The following LRP1B variants were observed in gnomAD, a reference collection of about 807,000 sequenced individuals.
LRP1B encodes LDL receptor related protein 1B.
LRP1B carries 217 observed loss-of-function variants against 556.6 expected under a neutral mutation model. The observed-to-expected ratio is 0.39, with a 90% CI of 0.35 to 0.44. The LOEUF is 0.44. LRP1B is among the 20% of genes least tolerant of loss of function. The pLI is 1.00. For missense variants in LRP1B, 5,053 were observed against 5,620.8 expected, an observed-to-expected ratio of 0.90 and a Z score of 3.23; for synonymous variants, 2,047 against 1,865.8, an observed-to-expected ratio of 1.10 and a Z score of -2.50.
intron 1 of LRP1B, among the ~76,000 whole-genome samples, chr2:142,073,308 C>A (rs897660106): frequency 1.1e-4 from 17 of 151,844 alleles, no homozygotes; most frequent in Non-Finnish European, 2.1e-4. Flanking sequence ...GGTAACAAGT[C>A]TTAAAAACTA....
At chr2:141,231,515 G>A (rs1463531248) in intron 5 of LRP1B, among the ~76,000 whole-genome samples, 4 of 152,100 alleles carry the variant, frequency 2.6e-5, no homozygotes, top group South Asian at 2.1e-4. Flanking sequence ...ACACAGAGAT[G>A]GTCCAGTGGC....
rs558126481 is a variant in LRP1B, at chr2:140,637,668, C to T, written c.6800-36029G>A. ...CCGTGCCAGGTGCCACTGTTGTAGT[C>T]CATCCTAGACACCAGAACCTGCTGC... On this transcript the variant is annotated intron_variant, in intron 41 of 90. Transcript: ENST00000389484. Among the ~76,000 whole-genome samples the T allele has an allele frequency of 7.1e-4, 108 of 152,144 alleles. 1 individual carries two copies. Among genetic ancestry groups the T allele is most frequent in the Middle Eastern group, 3.4e-3 (1 of 294 alleles).
chr2:141,400,810 G>T lies in LRP1B; in HGVS notation c.343+79586C>A, dbSNP rs532523187. On this transcript the variant is annotated intron_variant, in intron 3 of 90. Coordinates refer to ENST00000389484, the MANE Select transcript of LRP1B (RefSeq NM_018557.3). ...ACCTTCCCTTTACACACAAATTATT[G>T]CAATGGCTTCCTTTGCCTCTATGGT... Among the ~76,000 whole-genome samples the T allele has an allele frequency of 1.7e-3, 264 of 152,046 alleles. 1 individual carries two copies. Among genetic ancestry groups the T allele is most frequent in the Middle Eastern group, 0.014 (4 of 294 alleles).
chr2:140,470,119 A>G (rs1248398378), intron 60 of LRP1B, among the ~76,000 whole-genome samples: 1 of 152,230 alleles, frequency 6.6e-6, no homozygotes, highest in African/African-American at 2.4e-5. Flanking sequence ...AATGCACAGT[A>G]CAAGGTAATG....
At chr2:141,887,396 C>T (rs1699160624) in intron 1 of LRP1B, among the ~76,000 whole-genome samples, 1 of 152,128 alleles carries the variant, frequency 6.6e-6, no homozygotes, top group Non-Finnish European at 1.5e-5. Context: ...AATTTGTAGA[C>T]CTCCCTTTGC....
At chr2:141,422,036 C>A (rs1444994885) in intron 3 of LRP1B, among the ~76,000 whole-genome samples, 2 of 152,138 alleles carry the variant, frequency 1.3e-5, no homozygotes, top group African/African-American at 4.8e-5. Context: ...TAAGGCCTGA[C>A]ACATAGATGG....
Position 141,951,383 on chromosome 2 carries a change from T to C in LRP1B, c.83-140982A>G, listed in dbSNP as rs371516778. 4.3e-4 allele frequency among the ~76,000 whole-genome samples: 66 copies of C among 152,322 alleles called. No homozygotes were observed. The South Asian group carries it at 0.012, about 28-fold the overall frequency. On this transcript the variant is annotated intron_variant, in intron 1 of 90. Coordinates refer to ENST00000389484, the MANE Select transcript of LRP1B (RefSeq NM_018557.3). ...TCCCCAAAGTCCGCTATATCATTGT[T>C]ATGCCTTTGCATCCTCATAGCTCAG...
chr2:141,055,576 C>T (rs1052632925), intron 9 of LRP1B, among the ~76,000 whole-genome samples: 1 of 151,748 alleles, frequency 6.6e-6, no homozygotes, highest in Non-Finnish European at 1.5e-5. Context: ...GCTTCTCATC[C>T]TTTTTAAAAA....
rs199989767 is a variant in LRP1B, at chr2:141,442,227, A to G, written c.343+38169T>C. Among the ~76,000 whole-genome samples, 3 of 152,310 alleles carry G rather than the reference A, an allele frequency of 2.0e-5. No homozygotes were observed. In the East Asian group the frequency reaches 5.8e-4, roughly 29 times the overall value. The stretch of plus-strand genomic sequence containing the variant: ...CTTTAAATAAAAGTATATGTGGAAA[A>G]GTCTGTATTTCATAAATACAACAAA... On this transcript the variant is annotated intron_variant, in intron 3 of 90. Transcript: ENST00000389484.
chr2:140,627,210 G>T (rs935739916), intron 41 of LRP1B, among the ~76,000 whole-genome samples: 1 of 152,066 alleles, frequency 6.6e-6, no homozygotes, highest in Non-Finnish European at 1.5e-5. Flanking sequence ...AATGAGTGTC[G>T]ACTTGATTGG....
intron 3 of LRP1B, among the ~76,000 whole-genome samples, chr2:141,288,374 C>A (rs1297888597): frequency 6.6e-6 from 1 of 151,930 alleles, no homozygotes; most frequent in African/African-American, 2.4e-5. Context: ...TTAAATAGAG[C>A]CATTTTTTTC....
At chr2:140,325,953 A>C (rs1680454596) in intron 79 of LRP1B, 75 bp from the exon 80 acceptor site, 5 of 905,876 alleles carry the variant, frequency 5.5e-6, no homozygotes, top group Non-Finnish European at 9.0e-6. Context: ...TTTGCTTCTT[A>C]TTGTATAATT....
chr2:141,862,767 T>C (rs1698289146), intron 1 of LRP1B, among the ~76,000 whole-genome samples: 1 of 152,218 alleles, frequency 6.6e-6, no homozygotes, highest in South Asian at 2.1e-4. Flanking sequence ...GCCATACAGA[T>C]AATTTTGAAC....
intron 2 of LRP1B, among the ~76,000 whole-genome samples, chr2:141,730,464 C>G (rs1342978718): frequency 6.6e-6 from 1 of 152,170 alleles, no homozygotes; most frequent in Non-Finnish European, 1.5e-5. Context: ...GAAAATGCTA[C>G]TTTAACCCAT....
intron 2 of LRP1B, among the ~76,000 whole-genome samples, chr2:141,714,888 CTTGTT>C (rs1179298133): frequency 9.9e-5 from 15 of 151,996 alleles, no homozygotes; most frequent in African/African-American, 2.7e-4. Flanking sequence ...TAAGTTTTGT[CTTGTT>C]TTGTTTTATT....
chr2:140,988,004 T>G (rs1172599205), intron 17 of LRP1B, among the ~76,000 whole-genome samples: 1 of 151,996 alleles, frequency 6.6e-6, no homozygotes, highest in African/African-American at 2.4e-5. Flanking sequence ...AGAATTGCAC[T>G]CATTTAGAAA....
At chr2:141,466,743 A>G (rs1465475365) in intron 3 of LRP1B, among the ~76,000 whole-genome samples, 1 of 152,116 alleles carries the variant, frequency 6.6e-6, no homozygotes, top group Non-Finnish European at 1.5e-5. Context: ...CAGAACAGAA[A>G]TAAGGGAGTC....
intron 75 of LRP1B, among the ~76,000 whole-genome samples, chr2:140,354,225 A>G (rs1472363563): frequency 2.0e-5 from 3 of 152,104 alleles, no homozygotes; most frequent in African/African-American, 7.2e-5. Context: ...GAATTAGAGA[A>G]CTTAAGAATC....
chr2:140,489,740 TAG>T (rs1237487659), intron 57 of LRP1B, among the ~76,000 whole-genome samples: 2 of 152,016 alleles, frequency 1.3e-5, no homozygotes, highest in Non-Finnish European at 2.9e-5. Flanking sequence ...GTGGCTAAAT[TAG>T]AGAGCTTTGC....
Sources: gnomAD v4.1 joint callset for allele counts (sites outside exome capture counted in the v4.1 genomes callset) on GRCh38, gnomAD v4.1.1 for gene constraint, MANE v1.5 for transcripts, NCBI Gene and HGNC (gene_info 2026-07-23, HGNC 2026-07-21) for gene names.